NOX4: variants seen among roughly 807,000 people sequenced by gnomAD.
NOX4 encodes the protein NADPH oxidase 4.
In NOX4, 69 loss-of-function variants were observed where a neutral mutation model predicts 87.6. That is an observed-to-expected ratio of 0.79 (90% confidence interval 0.65 to 0.96). The LOEUF is 0.96. NOX4 is among the 40% of genes least tolerant of loss of function. The probability of loss-of-function intolerance (pLI) is 0.00; values close to 1 mark genes in which losing one functional copy is unlikely to be tolerated. For synonymous variants in NOX4, 275 were observed against 238.2 expected, an observed-to-expected ratio of 1.15 and a Z score of -1.42; for missense variants, 680 against 681.5, an observed-to-expected ratio of 1.00 and a Z score of 0.02.
intron 4 of NOX4, among the ~76,000 whole-genome samples, chr11:89,448,495 G>T (rs1944810063): frequency 6.6e-6 from 1 of 152,080 alleles, no homozygotes; most frequent in Non-Finnish European, 1.5e-5. Context: ...TTTGACATTG[G>T]TTTTTCTACC....
intron 2 of NOX4, among the ~76,000 whole-genome samples, chr11:89,457,107 C>T (rs902535512): frequency 7.2e-5 from 11 of 152,146 alleles, no homozygotes; most frequent in East Asian, 3.9e-4. Context: ...CAGCCCCTGA[C>T]GATGCACACT....
At chr11:89,450,127 CT>C (rs1167191987) in intron 3 of NOX4, among the ~76,000 whole-genome samples, 1 of 152,142 alleles carries the variant, frequency 6.6e-6, no homozygotes. Context: ...TAGGTGGGAA[CT>C]TTTTATTCCC....
At chr11:89,385,909 C>T (rs184421313) in intron 11 of NOX4, among the ~76,000 whole-genome samples, 1 of 152,224 alleles carries the variant, frequency 6.6e-6, no homozygotes, top group Admixed American at 6.5e-5. Context: ...GTTTGGCCTT[C>T]CCACCTCTAC....
chr11:89,461,709 C>A (rs939433010), intron 2 of NOX4, among the ~76,000 whole-genome samples: 7 of 150,254 alleles, frequency 4.7e-5, no homozygotes, highest in African/African-American at 1.7e-4. Flanking sequence ...CATTATGCAG[C>A]AGAAGAAAGT....
At chr11:89,393,507 T>A (rs1161953427) in intron 11 of NOX4, among the ~76,000 whole-genome samples, 5 of 152,048 alleles carry the variant, frequency 3.3e-5, no homozygotes, top group African/African-American at 1.2e-4. Flanking sequence ...CATATTCCCG[T>A]TTCTCATTTT....
chr11:89,336,142 T>C lies in NOX4; in HGVS notation c.1516-197A>G, dbSNP rs576497008. The C allele has an allele frequency of 1.0e-5, 4 of 386,908 alleles. 1 individual carries two copies. The South Asian group carries it at 3.2e-4, about 31-fold the overall frequency. The allele number at this position is 386,908 out of a possible 1,614,324, so 24.0% of individuals were successfully genotyped here. ...CTTTCTTTTAAAATTCATTATCTCCTTGAATTCCATTTGTTTGTTTTTAAA... is the reference window on the plus strand; with the variant it reads ...CTTTCTTTTAAAATTCATTATCTCCCTGAATTCCATTTGTTTGTTTTTAAA... On this transcript the variant is annotated intron_variant, in intron 16 of 17. Transcript: ENST00000263317.
At chr11:89,378,540 C>G (rs1236567262) in intron 11 of NOX4, among the ~76,000 whole-genome samples, 1 of 151,890 alleles carries the variant, frequency 6.6e-6, no homozygotes, top group Non-Finnish European at 1.5e-5. Context: ...AGATCAAGAA[C>G]TATTTCTAAA....
At chr11:89,561,266 T>C in the NOX4 span, among the ~76,000 whole-genome samples, 2 of 151,012 alleles carry the variant, frequency 1.3e-5, no homozygotes, top group Non-Finnish European at 2.9e-5. Context: ...AATTCTTCAA[T>C]ATGTAAGCAG....
chr11:89,540,786 T>TAAAAAAAAAA, the NOX4 span, among the ~76,000 whole-genome samples: 26 of 43,520 alleles, frequency 6.0e-4, 1 homozygote, highest in East Asian at 1.2e-3. Context: ...AGACTCCGTC[T>TAAAAAAAAAA]AAAAAAAAAA....
At chr11:89,421,696 T>C (rs1029499021) in intron 8 of NOX4, among the ~76,000 whole-genome samples, 5 of 152,168 alleles carry the variant, frequency 3.3e-5, no homozygotes, top group African/African-American at 1.2e-4. Flanking sequence ...TTAAATTTAG[T>C]ATACTTTATA....
At chr11:89,570,568 C>T in the NOX4 span, among the ~76,000 whole-genome samples, 1 of 152,180 alleles carries the variant, frequency 6.6e-6, no homozygotes. Context: ...AATACTGTGG[C>T]TTATGACTAA....
At chr11:89,538,732 T>A in the NOX4 span, among the ~76,000 whole-genome samples, 1 of 149,534 alleles carries the variant, frequency 6.7e-6, no homozygotes. Flanking sequence ...TTTTTTTTTT[T>A]ATTTCACAAT....
At chr11:89,465,006 A>G (rs957716679) in intron 2 of NOX4, among the ~76,000 whole-genome samples, 3 of 152,174 alleles carry the variant, frequency 2.0e-5, no homozygotes, top group Admixed American at 2.0e-4. Flanking sequence ...CATTTTTGTT[A>G]TACTTTAAGT....
At chr11:89,565,573 GATA>G in the NOX4 span, among the ~76,000 whole-genome samples, 9 of 151,744 alleles carry the variant, frequency 5.9e-5, no homozygotes, top group East Asian at 1.7e-3. Context: ...AATCTCATTG[GATA>G]ATATTTTAAC....
chr11:89,456,381 T>A (rs916924231), intron 2 of NOX4, among the ~76,000 whole-genome samples: 2 of 151,896 alleles, frequency 1.3e-5, no homozygotes, highest in African/African-American at 4.8e-5. Context: ...GACTAAAGAT[T>A]TAGTCTGAAA....
chr11:89,354,495 A>C (rs1937843373), intron 13 of NOX4, among the ~76,000 whole-genome samples: 1 of 152,196 alleles, frequency 6.6e-6, no homozygotes, highest in South Asian at 2.1e-4. Flanking sequence ...ACGATAAATA[A>C]GAATATGTAG....
the NOX4 span, among the ~76,000 whole-genome samples, chr11:89,543,786 T>A: frequency 1.3e-5 from 2 of 152,074 alleles, no homozygotes; most frequent in African/African-American, 4.8e-5. Flanking sequence ...GGAAAGTAAA[T>A]AGATATTGTC....
At chr11:89,377,570 A>G (rs1939948802) in intron 11 of NOX4, among the ~76,000 whole-genome samples, 1 of 152,176 alleles carries the variant, frequency 6.6e-6, no homozygotes, top group Non-Finnish European at 1.5e-5. Context: ...CAAAATATAA[A>G]AAGATATTTG....
chr11:89,461,543 G>T (rs1012849996), intron 2 of NOX4, among the ~76,000 whole-genome samples: 1 of 151,480 alleles, frequency 6.6e-6, no homozygotes, highest in Non-Finnish European at 1.5e-5. Flanking sequence ...TACTCGGGAG[G>T]CTGAGGCAAG....
Sources: gnomAD v4.1 joint callset for allele counts (sites outside exome capture counted in the v4.1 genomes callset) on GRCh38, gnomAD v4.1.1 for gene constraint, MANE v1.5 for transcripts, NCBI Gene and HGNC (gene_info 2026-07-23, HGNC 2026-07-21) for gene names.